The following STARD13 variants were observed in gnomAD, a reference collection of about 807,000 sequenced individuals.
STARD13 encodes the protein stAR-related lipid transfer protein 13.
A neutral mutation model predicts 106.4 loss-of-function variants in STARD13; 62 were observed. That is an observed-to-expected ratio of 0.58 (90% CI 0.48 to 0.72). The LOEUF (loss-of-function observed/expected upper bound fraction) is 0.72. Ranked by LOEUF, STARD13 falls within the 30% of genes least tolerant of loss-of-function variation. STARD13 has a pLI of 0.00. For synonymous variants in STARD13, 565 were observed against 553.0 expected (o/e 1.02, Z -0.31); for missense variants, 1,387 against 1,424.0 (o/e 0.97, Z 0.42).
the STARD13 span, among the ~76,000 whole-genome samples, chr13:33,554,737 A>G: frequency 6.6e-6 from 1 of 152,182 alleles, no homozygotes; most frequent in South Asian, 2.1e-4. Context: ...GAGGTTGGAA[A>G]AGTGAGGTCC....
chr13:33,643,343 G>A, the STARD13 span, among the ~76,000 whole-genome samples: 3 of 152,164 alleles, frequency 2.0e-5, no homozygotes, highest in South Asian at 4.1e-4. Flanking sequence ...TGCCCACCAC[G>A]CCTTCAAAAG....
the STARD13 span, among the ~76,000 whole-genome samples, chr13:33,457,302 C>T: frequency 6.6e-6 from 1 of 152,150 alleles, no homozygotes; most frequent in Non-Finnish European, 1.5e-5. Context: ...TCCCACTGTC[C>T]TCCAGAAAAT....
At chr13:33,116,139 C>T (rs901530108) in intron 8 of STARD13, among the ~76,000 whole-genome samples, 4 of 152,148 alleles carry the variant, frequency 2.6e-5, no homozygotes, top group Non-Finnish European at 4.4e-5. Flanking sequence ...ATGGCCCCAG[C>T]GTCATTTTTC....
Position 33,246,219 on chromosome 13 carries a change from G to A in STARD13, c.169+39251C>T, listed in dbSNP as rs375164024. Among the ~76,000 whole-genome samples, 62 of 152,290 alleles carry A rather than the reference G, an allele frequency of 4.1e-4. 1 individual carries two copies. The South Asian group carries it at 0.012, about 30-fold the overall frequency. On this transcript the variant is annotated intron_variant, in intron 1 of 13. Coordinates refer to ENST00000336934, the MANE Select transcript of STARD13 (RefSeq NM_178006.4). ...ATCCCAGGGTTATAATTTAAGACAT[G>A]CGCATCAAAGAGAGGTAAGGAGAAG...
chr13:33,625,327 T>G, the STARD13 span, among the ~76,000 whole-genome samples: 1 of 151,842 alleles, frequency 6.6e-6, no homozygotes, highest in East Asian at 1.9e-4. Flanking sequence ...ATCCCAGCAC[T>G]TTGGGAGGCC....
downstream of STARD13, among the ~76,000 whole-genome samples, chr13:33,346,767 C>T (rs1224435903): frequency 6.6e-6 from 1 of 151,720 alleles, no homozygotes; most frequent in African/African-American, 2.4e-5. Context: ...GTAGCTGGGA[C>T]TACAGGTGCA....
the STARD13 span, among the ~76,000 whole-genome samples, chr13:33,502,470 A>G: frequency 6.6e-6 from 1 of 152,214 alleles, no homozygotes; most frequent in South Asian, 2.1e-4. Flanking sequence ...GCCAGTTTTC[A>G]AAGGGAATGC....
chr13:33,560,414 G>C, the STARD13 span, among the ~76,000 whole-genome samples: 1 of 151,278 alleles, frequency 6.6e-6, no homozygotes, highest in Non-Finnish European at 1.5e-5. Context: ...AAAAGGATTA[G>C]TCTTCAAAAT....
chr13:33,110,236 A>G, intron 11 of STARD13, 146 bp from the exon 12 acceptor site: 1 of 658,352 alleles, frequency 1.5e-6, no homozygotes, highest in East Asian at 2.7e-5. Context: ...GATACTACAT[A>G]CCTCAGCTGT....
upstream of STARD13, among the ~76,000 whole-genome samples, chr13:33,290,666 T>A (rs932778103): frequency 2.6e-5 from 4 of 152,256 alleles, no homozygotes; most frequent in African/African-American, 9.6e-5. Context: ...GTCTGGTGCA[T>A]TCCCATCTAT....
At chr13:33,413,869 C>A in the STARD13 span, among the ~76,000 whole-genome samples, 1,507 of 151,598 alleles carry the variant, frequency 9.9e-3, 26 homozygotes, top group African/African-American at 0.034. Flanking sequence ...CCCATCTCTA[C>A]CAAAAATACA....
At chr13:33,308,759 G>C (rs544768153) in intron 1 of STARD13, among the ~76,000 whole-genome samples, 43 of 152,062 alleles carry the variant, frequency 2.8e-4, no homozygotes, top group African/African-American at 9.6e-4. Flanking sequence ...CCTGACCTCA[G>C]GTGATCCACC....
At chr13:33,138,769 T>A (rs910361716) in intron 4 of STARD13, 1 of 439,806 alleles carries the variant, frequency 2.3e-6, no homozygotes, top group Non-Finnish European at 4.6e-6. Context: ...AGTCTTCCAG[T>A]GAGGCGTGCA....
intron 1 of STARD13, among the ~76,000 whole-genome samples, chr13:33,311,226 G>A (rs147030999): frequency 6.6e-6 from 1 of 152,126 alleles, no homozygotes; most frequent in African/African-American, 2.4e-5. Context: ...GAGCCAGAGA[G>A]GTCAAGGCTG....
the STARD13 span, among the ~76,000 whole-genome samples, chr13:33,434,884 G>GAGAAGGAAAGAAGGAAGGAA: frequency 9.7e-4 from 119 of 122,312 alleles, 1 homozygote; most frequent in East Asian, 2.7e-3. Flanking sequence ...AAGGAAGGGA[G>GAGAAGGAAAGAAGGAAGGAA]GGAAGGAAAG....
the STARD13 span, among the ~76,000 whole-genome samples, chr13:33,407,133 G>A: frequency 3.9e-5 from 6 of 152,282 alleles, no homozygotes; most frequent in East Asian, 1.9e-4. Flanking sequence ...CCAGCAGCAC[G>A]CATGTAAAAT....
chr13:33,177,554 A>G (rs561879738), intron 1 of STARD13, among the ~76,000 whole-genome samples: 26 of 152,276 alleles, frequency 1.7e-4, no homozygotes, highest in Non-Finnish European at 2.2e-4. Flanking sequence ...TGGGGATATC[A>G]CTGGATTTTA....
intron 1 of STARD13, among the ~76,000 whole-genome samples, chr13:33,310,969 C>T (rs1201365033): frequency 1.3e-5 from 2 of 151,892 alleles, no homozygotes; most frequent in African/African-American, 4.8e-5. Context: ...TATCTAAGTC[C>T]ATCTAGACAT....
chr13:33,197,413 G>C (rs1295444138), intron 1 of STARD13, among the ~76,000 whole-genome samples: 1 of 98,832 alleles, frequency 1.0e-5, no homozygotes, highest in African/African-American at 4.1e-5. Context: ...CAAAGGAAGA[G>C]AGTTGTGTGT....
Sources: gnomAD v4.1 joint callset for allele counts (sites outside exome capture counted in the v4.1 genomes callset) on GRCh38, gnomAD v4.1.1 for gene constraint, MANE v1.5 for transcripts, NCBI Gene and HGNC (gene_info 2026-07-23, HGNC 2026-07-21) for gene names.